GAB3: variants seen among roughly 807,000 people sequenced by gnomAD.
GAB3 encodes GRB2-associated-binding protein 3.
Under a neutral mutation model 40.4 loss-of-function variants are expected in GAB3, and 12 were observed. The observed-to-expected ratio is 0.30, with a 90% CI of 0.19 to 0.48. The LOEUF (loss-of-function observed/expected upper bound fraction) is 0.48. Ranked by LOEUF, GAB3 falls within the 20% of genes least tolerant of loss-of-function variation. The pLI, the probability that GAB3 is intolerant of heterozygous loss-of-function variation, is 0.99. For synonymous variants in GAB3, 154 were observed against 176.7 expected (o/e 0.87, Z 1.02); for missense variants, 381 against 461.9 (o/e 0.82, Z 1.61).
At chrX:154,729,687 A>T (rs1557259784) in intron 1 of GAB3, among the ~76,000 whole-genome samples, 1 of 112,065 alleles carries the variant, frequency 8.9e-6, no homozygotes, top group African/African-American at 3.2e-5. Flanking sequence ...GAACAAGGGC[A>T]AATGAGCTTT....
chrX:154,686,878 G>GA (rs781850544), intron 8 of GAB3, among the ~76,000 whole-genome samples: 5 of 111,352 alleles, frequency 4.5e-5, no homozygotes, highest in African/African-American at 1.3e-4. Context: ...ATTATGAGGG[G>GA]AAAAAAATCA....
upstream of GAB3, chrX:154,751,176 C>T: frequency 4.2e-6 from 2 of 472,784 alleles, no homozygotes; most frequent in Non-Finnish European, 5.2e-6. Context: ...CCGCCGCGGC[C>T]CCCGGGGAGG....
chrX:154,751,006 A>C lies in GAB3; in HGVS notation c.20T>G (p.Val7Gly). The C allele has an allele frequency of 1.2e-6, 1 of 823,115 alleles. No individual in the cohort carries two copies. 67.8% of individuals were successfully genotyped at this position (823,115 alleles called of 1,213,427 possible). Residue 7 changes from valine (V) to glycine (G), a missense_variant, in exon 1 of 10, where the codon GTG becomes GGG. Around this residue, in one of 2 missense-constraint regions of GAB3, gnomAD observed 364 missense variants for 421.0 expected, o/e 0.86. Coordinates refer to ENST00000424127, the MANE Select transcript of GAB3 (RefSeq NM_001081573.3). MSAGDA[V>G]CTGWLVKSPP... ...CGACTTAACGAGCCAGCCGGTGCAC[A>C]CTGCGTCGCCCGCACTCATCGTGGC...
intron 8 of GAB3, among the ~76,000 whole-genome samples, chrX:154,690,511 C>T (rs1569557226): frequency 8.9e-6 from 1 of 112,100 alleles, no homozygotes; most frequent in Non-Finnish European, 1.9e-5. Context: ...CTTTCGCAAC[C>T]TACTCATCTG....
intron 8 of GAB3, among the ~76,000 whole-genome samples, chrX:154,685,411 GT>G (rs1278576537): frequency 9.0e-6 from 1 of 110,872 alleles, no homozygotes; most frequent in African/African-American, 3.3e-5. Context: ...AATAAGAGGT[GT>G]TTTTCATGCT....
intron 2 of GAB3, among the ~76,000 whole-genome samples, chrX:154,714,820 C>T (rs1480448688): frequency 2.7e-5 from 3 of 112,512 alleles, no homozygotes; most frequent in Non-Finnish European, 5.6e-5. Flanking sequence ...TGGTAAAGAG[C>T]CAGCAGCAAG....
chrX:154,702,031 C>T (rs1397760735), intron 4 of GAB3, among the ~76,000 whole-genome samples: 2 of 111,815 alleles, frequency 1.8e-5, no homozygotes, highest in African/African-American at 6.5e-5. Context: ...TGTATGGAAC[C>T]ATGAAAGACC....
rs1366853235 is a variant in GAB3, at chrX:154,675,883, C to T, written c.*2295G>A. ...CTCAAAAACTACCTGTACTTTGTTT[C>T]CTTGAATCGTTATGCTTTTGCATAG... On this transcript the variant is annotated 3_prime_UTR_variant, in exon 10 of 10. Coordinates refer to ENST00000424127, the MANE Select transcript of GAB3 (RefSeq NM_001081573.3). 8.9e-6 allele frequency: 1 copy of T among 112,102 alleles called. No homozygotes were observed. Among genetic ancestry groups the T allele is most frequent in the African/African-American group, 3.2e-5 (1 of 30,834 alleles). The allele number at this position is 112,102 out of a possible 1,213,427, so 9.2% of individuals were successfully genotyped here. A position where few individuals can be genotyped will look rare whatever the true frequency, so the allele number is the denominator to read the frequency against.
At position 154,713,355 on chromosome X, in the gene GAB3, C is replaced by G. The variant is rs374214887; in HGVS notation, c.448G>C (p.Ala150Pro). ...GGCAAAGAGGAGCTGGCAGCATGGG[C>G]GGTAAGAAGGGAGCTGGCAGAGGAT... ...QPSSASSLLT[A>P]HAASSSLPRD... The change falls in exon 3 of 10, where the codon GCC (alanine) becomes CCC (proline). Residue 150 changes from alanine to proline, a missense_variant. Ala to Pro is a conservative substitution (Grantham distance 27). Around this residue, in one of 2 missense-constraint regions of GAB3, gnomAD observed 364 missense variants for 421.0 expected, o/e 0.86. Coordinates refer to ENST00000424127, the MANE Select transcript of GAB3 (RefSeq NM_001081573.3). 3.3e-6 allele frequency: 4 copies of G among 1,207,538 alleles called. No homozygotes were observed. Among genetic ancestry groups the G allele is most frequent in the Non-Finnish European group, 3.4e-6 (3 of 894,618 alleles).
chrX:154,713,176 A>C, intron 3 of GAB3, 31 bp downstream of exon 3: 1 of 1,139,508 alleles, frequency 8.8e-7, no homozygotes, highest in African/African-American at 1.8e-5. Context: ...TAGCAGGCCC[A>C]GCTCAGACAG....
intron 1 of GAB3, among the ~76,000 whole-genome samples, chrX:154,728,606 G>C (rs782104217): frequency 1.8e-5 from 2 of 112,374 alleles, no homozygotes; most frequent in Non-Finnish European, 3.8e-5. Flanking sequence ...TGAGACGTTG[G>C]AGATGGAACT....
At chrX:154,727,255 T>C (rs2071226177) in intron 1 of GAB3, among the ~76,000 whole-genome samples, 1 of 112,402 alleles carries the variant, frequency 8.9e-6, no homozygotes, top group South Asian at 3.7e-4. Flanking sequence ...CTTGGGGGCT[T>C]TGCCTTACTT....
chrX:154,726,560 T>C (rs956993331), intron 1 of GAB3, among the ~76,000 whole-genome samples: 9 of 112,109 alleles, frequency 8.0e-5, no homozygotes, highest in African/African-American at 2.9e-4. Flanking sequence ...CTACCATCTA[T>C]TTGATGATGG....
chrX:154,750,926 C>T (rs1557262585), intron 1 of GAB3, 28 bp downstream of exon 1: 1 of 772,943 alleles, frequency 1.3e-6, no homozygotes, highest in Non-Finnish European at 1.5e-6. Flanking sequence ...GACGCGAAGG[C>T]CGGGCGGGTG....
intron 4 of GAB3, among the ~76,000 whole-genome samples, chrX:154,706,595 C>T (rs1463703231): frequency 1.8e-5 from 2 of 110,734 alleles, no homozygotes; most frequent in Non-Finnish European, 3.8e-5. Context: ...AGACCTTGAA[C>T]ATCCAAAGCA....
In GAB3 at chrX:154,697,193, G is replaced by A; in HGVS notation, c.1366C>T (p.Leu456=). The A allele has an allele frequency of 1.7e-6, 2 of 1,188,445 alleles. No individual in the cohort carries two copies. The highest frequency in any genetic ancestry group is 2.3e-6 in the Non-Finnish European group (2 of 883,711). The change falls in exon 7 of 10, where the codon CTG becomes TTG. Residue 456 remains leucine, a synonymous_variant. Coordinates refer to ENST00000424127, the MANE Select transcript of GAB3 (RefSeq NM_001081573.3). ...QRKSRPPPLD[L]RNLSIIREHA... is the part of the protein sequence containing the mutation. The stretch of plus-strand genomic sequence containing the variant: ...TCCCGGATGATCGAGAGGTTTCTCA[G>A]GTCCAGAGGAGGTGGCCGTGCTACA...
chrX:154,747,638 T>G (rs191270731), intron 1 of GAB3, among the ~76,000 whole-genome samples: 1 of 111,647 alleles, frequency 9.0e-6, no homozygotes, highest in African/African-American at 3.3e-5. Context: ...TCCTGTCCTC[T>G]CTACAAAAAA....
chrX:154,703,469 A>G (rs782126445), intron 4 of GAB3, among the ~76,000 whole-genome samples: 10 of 111,258 alleles, frequency 9.0e-5, no homozygotes, highest in African/African-American at 3.3e-4. Flanking sequence ...ACATGGACAC[A>G]TAGAGGGGAG....
At chrX:154,740,973 G>A (rs1261305684) in intron 1 of GAB3, among the ~76,000 whole-genome samples, 2 of 111,885 alleles carry the variant, frequency 1.8e-5, no homozygotes, top group East Asian at 5.6e-4. Flanking sequence ...TGGTTTGGCT[G>A]TGTCTCCATG....
Sources: gnomAD v4.1 joint callset for allele counts (sites outside exome capture counted in the v4.1 genomes callset) on GRCh38, gnomAD v4.1.1 for gene constraint, gnomAD v4.1.1 regional missense constraint, MANE v1.5 for transcripts, NCBI Gene and HGNC (gene_info 2026-07-23, HGNC 2026-07-21) for gene names.